The following KIAA1217 variants were observed in gnomAD, a reference collection of about 807,000 sequenced individuals.
The protein encoded by KIAA1217 is sickle tail protein homolog.
A neutral mutation model predicts 163.9 loss-of-function variants in KIAA1217; 88 were observed. That is an observed-to-expected ratio of 0.54 (90% CI 0.45 to 0.64). The LOEUF (loss-of-function observed/expected upper bound fraction) is 0.64, where lower values mean the gene tolerates loss of function less well. KIAA1217 is among the 30% of genes least tolerant of loss of function. The pLI is 0.00. For synonymous variants in KIAA1217, 903 were observed against 923.1 expected, an observed-to-expected ratio of 0.98 and a Z score of 0.39; for missense variants, 2,372 against 2,475.0, an observed-to-expected ratio of 0.96 and a Z score of 0.88.
At chr10:24,489,936 CTTT>C (rs1328592151) in intron 6 of KIAA1217, among the ~76,000 whole-genome samples, 1 of 142,744 alleles carries the variant, frequency 7.0e-6, no homozygotes, top group East Asian at 2.2e-4. Context: ...AACACAGATT[CTTT>C]TTTTTCCTTT....
intron 5 of KIAA1217, chr10:24,449,606 A>G: frequency 2.0e-6 from 2 of 985,428 alleles, no homozygotes; most frequent in Non-Finnish European, 2.4e-6. Flanking sequence ...TAAACCACAT[A>G]TTTTGACTAA....
At chr10:24,141,230 C>T (rs545125356) in intron 2 of KIAA1217, among the ~76,000 whole-genome samples, 8 of 124,956 alleles carry the variant, frequency 6.4e-5, no homozygotes, top group Admixed American at 3.9e-4. Context: ...AATAAACCCC[C>T]CCCCCCCATT....
At chr10:24,317,623 T>G (rs2043564290) in intron 2 of KIAA1217, among the ~76,000 whole-genome samples, 1 of 152,128 alleles carries the variant, frequency 6.6e-6, no homozygotes, top group African/African-American at 2.4e-5. Flanking sequence ...ATTCTTTTCT[T>G]TAGAATATAC....
chr10:24,470,851 G>C (rs899163726), intron 5 of KIAA1217, among the ~76,000 whole-genome samples: 1 of 152,138 alleles, frequency 6.6e-6, no homozygotes, highest in Non-Finnish European at 1.5e-5. Flanking sequence ...TTGCAGGGCA[G>C]GGATTCTACA....
chr10:24,202,972 T>A (rs777178165), intron 2 of KIAA1217, among the ~76,000 whole-genome samples: 9 of 152,148 alleles, frequency 5.9e-5, no homozygotes, highest in Non-Finnish European at 1.0e-4. Context: ...GGAGGATTGT[T>A]TGAGCCCAGG....
chr10:24,099,128 G>T (rs2062286586), intron 2 of KIAA1217, among the ~76,000 whole-genome samples: 1 of 151,842 alleles, frequency 6.6e-6, no homozygotes, highest in Non-Finnish European at 1.5e-5. Context: ...CCAGGAAGAA[G>T]TTGGGAAGGC....
intron 1 of KIAA1217, among the ~76,000 whole-genome samples, chr10:23,969,098 G>A (rs575962595): frequency 2.6e-5 from 4 of 152,060 alleles, no homozygotes; most frequent in South Asian, 2.1e-4. Context: ...GCAATGGCAC[G>A]ATCTCGGCTC....
chr10:23,962,123 G>T (rs1473873568), intron 1 of KIAA1217, among the ~76,000 whole-genome samples: 2 of 152,208 alleles, frequency 1.3e-5, no homozygotes, highest in Non-Finnish European at 2.9e-5. Flanking sequence ...TGGCCGTCTG[G>T]CCGTGCAGGC....
chr10:24,340,670 G>T (rs953138433), intron 2 of KIAA1217, among the ~76,000 whole-genome samples: 1 of 152,038 alleles, frequency 6.6e-6, no homozygotes. Context: ...ACAAGGCTCC[G>T]CTGGCACAAG....
chr10:23,898,182 C>A (rs1056675073), intron 1 of KIAA1217, among the ~76,000 whole-genome samples: 1 of 151,884 alleles, frequency 6.6e-6, no homozygotes, highest in African/African-American at 2.4e-5. Context: ...TTATTGTGAA[C>A]GGAGTGACTT....
At chr10:23,936,160 A>G (rs1843517338) in intron 1 of KIAA1217, among the ~76,000 whole-genome samples, 1 of 152,166 alleles carries the variant, frequency 6.6e-6, no homozygotes, top group African/African-American at 2.4e-5. Flanking sequence ...TTATCTGGCT[A>G]CAGTCTTCTC....
chr10:23,695,085 A>C lies in KIAA1217; in HGVS notation c.-470A>C, dbSNP rs1835938381. Reference sequence around the variant, plus strand: ...TCGGCCCCAGACTCGGGCCCCCGGCACGCTCGCCCGGGAGATACCCCTTCC... The same window carrying C: ...TCGGCCCCAGACTCGGGCCCCCGGCCCGCTCGCCCGGGAGATACCCCTTCC... On this transcript the variant is annotated 5_prime_UTR_variant, in exon 1 of 19. Coordinates refer to the KIAA1217 transcript ENST00000376462. This position sits in a 1 kb window ranked among gnomAD's most constrained non-coding sequence, Gnocchi z 4.9. 6.6e-6 allele frequency: 1 copy of C among 152,250 alleles called. No individual in the cohort carries two copies. Among genetic ancestry groups the C allele is most frequent in the African/African-American group, 2.4e-5 (1 of 41,450 alleles). The allele number at this position is 152,250 out of a possible 1,614,324, so 9.4% of individuals were successfully genotyped here.
At chr10:24,312,810 G>A (rs2042878076) in intron 2 of KIAA1217, among the ~76,000 whole-genome samples, 4 of 152,058 alleles carry the variant, frequency 2.6e-5, no homozygotes, top group South Asian at 2.1e-4. Context: ...AGCTACTCAG[G>A]AGGCTGAGGT....
chr10:24,092,265 A>G (rs765815472), intron 2 of KIAA1217, among the ~76,000 whole-genome samples: 64 of 151,742 alleles, frequency 4.2e-4, no homozygotes, highest in Non-Finnish European at 4.6e-4. Context: ...TTCACTCACT[A>G]TATCCAACTC....
intron 2 of KIAA1217, among the ~76,000 whole-genome samples, chr10:24,220,862 G>C (rs991153612): frequency 3.5e-5 from 5 of 143,882 alleles, no homozygotes; most frequent in African/African-American, 1.0e-4. Flanking sequence ...CTGCACTCAA[G>C]ATCCTCTCAT....
At chr10:24,262,050 C>T (rs1220691284) in intron 2 of KIAA1217, among the ~76,000 whole-genome samples, 2 of 152,072 alleles carry the variant, frequency 1.3e-5, no homozygotes, top group East Asian at 3.9e-4. Context: ...CTCAATTATT[C>T]CCAAGGATTC....
chr10:24,438,558 C>A, intron 5 of KIAA1217, 79 bp downstream of exon 5: 1 of 926,882 alleles, frequency 1.1e-6, no homozygotes, highest in Non-Finnish European at 1.8e-6. Flanking sequence ...CTGATGTAAT[C>A]AGAACTCTAC....
chr10:23,844,715 T>C (rs900209885), intron 1 of KIAA1217, among the ~76,000 whole-genome samples: 1 of 152,044 alleles, frequency 6.6e-6, no homozygotes, highest in Non-Finnish European at 1.5e-5. Flanking sequence ...TTCTTTTTTT[T>C]TTTAATTTGT....
intron 2 of KIAA1217, among the ~76,000 whole-genome samples, chr10:24,145,182 G>C (rs1466489517): frequency 6.6e-6 from 1 of 152,236 alleles, no homozygotes; most frequent in Non-Finnish European, 1.5e-5. Context: ...GTTCATACTT[G>C]TTATTCCTCT....
Sources: gnomAD v4.1 joint callset for allele counts (sites outside exome capture counted in the v4.1 genomes callset) on GRCh38, gnomAD v4.1.1 for gene constraint, Gnocchi (gnomAD v3.1) non-coding constraint, MANE v1.5 for transcripts, NCBI Gene and HGNC (gene_info 2026-07-23, HGNC 2026-07-21) for gene names.